Variants in MRPL33 observed in about 807,000 individuals in gnomAD.
The protein encoded by MRPL33 is large ribosomal subunit protein bL33m.
A neutral mutation model predicts 10.1 loss-of-function variants in MRPL33; 5 were observed. The observed-to-expected ratio is 0.49, with a 90% CI of 0.26 to 1.04. The LOEUF (loss-of-function observed/expected upper bound fraction) is 1.04. Among genes scored for constraint, MRPL33 ranks in the 50% least tolerant of loss-of-function variants. The pLI, the probability that MRPL33 is intolerant of heterozygous loss-of-function variation, is 0.14. For missense variants in MRPL33, 79 were observed against 78.1 expected, an observed-to-expected ratio of 1.01 and a Z score of -0.04; for synonymous variants, 24 against 27.7, an observed-to-expected ratio of 0.87 and a Z score of 0.42.
At chr2:27,776,006 T>G (rs1326386044) in intron 3 of MRPL33, among the ~76,000 whole-genome samples, 1 of 152,198 alleles carries the variant, frequency 6.6e-6, no homozygotes, top group Non-Finnish European at 1.5e-5. Flanking sequence ...CTGAGTAACA[T>G]TCTGTGATAT....
chr2:27,779,310 T>G, intron 3 of MRPL33, 123 bp from the exon 4 acceptor site: 2 of 1,229,288 alleles, frequency 1.6e-6, no homozygotes. Context: ...CAGCTCCATC[T>G]TCATATCAAG....
chr2:27,771,730 G>A lies in MRPL33; in HGVS notation c.-48G>A. ...CGTGCCCCGGAAGCAGTTGTTGTTGGTTGGGGGCCTTTTGGCCGGTGACGG... is the reference window on the plus strand; with the variant it reads ...CGTGCCCCGGAAGCAGTTGTTGTTGATTGGGGGCCTTTTGGCCGGTGACGG... On this transcript the variant is annotated 5_prime_UTR_variant, in exon 1 of 4. Coordinates refer to ENST00000296102, the MANE Select transcript of MRPL33 (RefSeq NM_004891.4). The A allele has an allele frequency of 6.2e-7, 1 of 1,613,084 alleles. No individual in the cohort carries two copies. Among genetic ancestry groups the A allele is most frequent in the Non-Finnish European group, 8.5e-7 (1 of 1,179,244 alleles).
At chr2:27,774,660 T>C in intron 3 of MRPL33, 130 bp downstream of exon 3, 1 of 687,070 alleles carries the variant, frequency 1.5e-6, no homozygotes, top group Admixed American at 2.4e-5. Flanking sequence ...ATTGAATGAT[T>C]GTTATGATGC....
intron 3 of MRPL33, 142 bp downstream of exon 3, chr2:27,774,672 A>G: frequency 4.6e-6 from 3 of 655,172 alleles, no homozygotes; most frequent in South Asian, 1.8e-5. Context: ...TTATGATGCT[A>G]TTTAACATCC....
intron 3 of MRPL33, among the ~76,000 whole-genome samples, chr2:27,778,421 A>G (rs1413195264): frequency 1.3e-5 from 2 of 151,958 alleles, no homozygotes; most frequent in East Asian, 1.9e-4. Context: ...TGTTTTAGCA[A>G]AGAGGAAATA....
At position 27,772,709 on chromosome 2, in the gene MRPL33, C is replaced by T; in HGVS notation, c.41+17C>T. ...CAAGTCAAAGTAAGTAAAGATTTTT[C>T]CTTTTTTAAACGTCACTTGTTTATG... On this transcript the variant is annotated intron_variant, in intron 2 of 3. Coordinates refer to ENST00000296102, the MANE Select transcript of MRPL33 (RefSeq NM_004891.4). 6.3e-7 allele frequency: 1 copy of T among 1,593,678 alleles called. No homozygotes were observed. The highest frequency in any genetic ancestry group is 2.2e-5 in the East Asian group (1 of 44,544).
In MRPL33 at chr2:27,779,538, T is replaced by G. The variant is rs1677237822; in HGVS notation, c.*56T>G. On this transcript the variant is annotated 3_prime_UTR_variant, in exon 4 of 4. Transcript: ENST00000296102. The stretch of plus-strand genomic sequence containing the variant: ...AAGAGAAGACTGAGGGCGGGGATAC[T>G]GATTCAGAAATCCTGTAGCGTGTAA... 1.2e-6 allele frequency: 2 copies of G among 1,611,480 alleles called. No homozygotes were observed. Among genetic ancestry groups the G allele is most frequent in the Non-Finnish European group, 8.5e-7 (1 of 1,179,290 alleles).
chr2:27,772,847 T>C (rs1677079031), intron 2 of MRPL33, 155 bp downstream of exon 2: 1 of 621,876 alleles, frequency 1.6e-6, no homozygotes, highest in African/African-American at 1.9e-5. Flanking sequence ...TTTTTCTTTA[T>C]GAACTCTTTC....
intron 3 of MRPL33, among the ~76,000 whole-genome samples, chr2:27,778,280 A>G (rs375196608): frequency 6.6e-6 from 1 of 152,224 alleles, no homozygotes; most frequent in African/African-American, 2.4e-5. Flanking sequence ...CAGAGTATCC[A>G]TATTGACTGT....
chr2:27,772,751 A>T, intron 2 of MRPL33, 59 bp downstream of exon 2: 4 of 1,342,582 alleles, frequency 3.0e-6, no homozygotes, highest in Non-Finnish European at 4.2e-6. Context: ...TTGTTAGTCT[A>T]GCTGCTCCCA....
chr2:27,779,533 G>A lies in MRPL33; in HGVS notation c.*51G>A, dbSNP rs551605816. The A allele has an allele frequency of 6.2e-7, 1 of 1,611,906 alleles. No individual in the cohort carries two copies. Among genetic ancestry groups the A allele is most frequent in the Non-Finnish European group, 8.5e-7 (1 of 1,179,390 alleles). On this transcript the variant is annotated 3_prime_UTR_variant, in exon 4 of 4. Coordinates refer to ENST00000296102, the MANE Select transcript of MRPL33 (RefSeq NM_004891.4). The stretch of plus-strand genomic sequence containing the variant: ...TTATAAAGAGAAGACTGAGGGCGGG[G>A]ATACTGATTCAGAAATCCTGTAGCG...
chr2:27,774,326 A>G (rs1265401766), intron 2 of MRPL33, 98 bp from the exon 3 acceptor site: 2 of 945,084 alleles, frequency 2.1e-6, no homozygotes, highest in East Asian at 2.4e-5. Flanking sequence ...CTCACAACTA[A>G]TATTACCCTA....
At chr2:27,773,694 A>G (rs540502311) in intron 2 of MRPL33, among the ~76,000 whole-genome samples, 1 of 152,226 alleles carries the variant, frequency 6.6e-6, no homozygotes, top group Non-Finnish European at 1.5e-5. Context: ...ATTATTGTCT[A>G]TCTTAATTAC....
intron 1 of MRPL33, 33 bp downstream of exon 1, chr2:27,771,832 C>T (rs375673195): frequency 6.2e-7 from 1 of 1,609,412 alleles, no homozygotes; most frequent in Non-Finnish European, 8.5e-7. Flanking sequence ...GTAGGGGTTA[C>T]GGCGAGGGTT....
At chr2:27,778,939 A>G (rs1366606311) in intron 3 of MRPL33, among the ~76,000 whole-genome samples, 1 of 152,190 alleles carries the variant, frequency 6.6e-6, no homozygotes, top group Non-Finnish European at 1.5e-5. Flanking sequence ...TTTGGTTATG[A>G]TATTAATTAT....
At chr2:27,773,727 A>G (rs1397147447) in intron 2 of MRPL33, among the ~76,000 whole-genome samples, 2 of 152,238 alleles carry the variant, frequency 1.3e-5, no homozygotes, top group Admixed American at 1.3e-4. Flanking sequence ...TATGCCTCTT[A>G]TGAGGCACTG....
chr2:27,777,371 CT>C (rs11337446), intron 3 of MRPL33, among the ~76,000 whole-genome samples: 81,016 of 125,654 alleles, frequency 0.64, 26,848 homozygotes, highest in Middle Eastern at 0.81. Context: ...TAATCTAAAA[CT>C]TTTTTTTTTT....
At position 27,774,538 on chromosome 2, in the gene MRPL33, C is replaced by T; in HGVS notation, c.148+8C>T. 6.2e-7 allele frequency: 1 copy of T among 1,610,828 alleles called. No individual in the cohort carries two copies. Among genetic ancestry groups the T allele is most frequent in the Non-Finnish European group, 8.5e-7 (1 of 1,177,060 alleles). On this transcript the variant is annotated splice_region_variant and intron_variant, in intron 3 of 3. Coordinates refer to ENST00000296102, the MANE Select transcript of MRPL33 (RefSeq NM_004891.4). ...TGCATTATGATCCAGTTGGTAAGATCTGGGGAGGTTAATGCTTCCAAGGCC... is the reference window on the plus strand; with the variant it reads ...TGCATTATGATCCAGTTGGTAAGATTTGGGGAGGTTAATGCTTCCAAGGCC...
rs767904582 is a variant in MRPL33 at position 27,772,684 on chromosome 2, C to A, written c.33C>A (p.Ser11Arg). ...CTGTCTACAAAAAAGTTGCCAAGAG[C>A]AAGTCAAAGTAAGTAAAGATTTTTC... MFLSAVFFAKSKSKNILVRMV... is the reference protein window; with the variant it reads MFLSAVFFAKRKSKNILVRMV... Residue 11 changes from serine to arginine, a missense_variant, in exon 2 of 4, where the codon AGC (serine) becomes AGA (arginine). Coordinates refer to ENST00000296102, the MANE Select transcript of MRPL33 (RefSeq NM_004891.4). The A allele has an allele frequency of 1.9e-6, 3 of 1,601,370 alleles. No homozygotes were observed. Among genetic ancestry groups the A allele is most frequent in the Non-Finnish European group, 2.6e-6 (3 of 1,171,474 alleles).
Sources: allele counts gnomAD v4.1 joint callset (sites outside exome capture counted in the v4.1 genomes callset), GRCh38; gene constraint gnomAD v4.1.1; transcripts MANE v1.5; gene names NCBI Gene and HGNC (gene_info 2026-07-23, HGNC 2026-07-21).